Variants in LRRC72 observed in about 807,000 individuals in gnomAD.
LRRC72 encodes the protein leucine rich repeat containing 72, also known as leucine-rich repeat-containing protein 72.
Under a neutral mutation model 35.8 loss-of-function variants are expected in LRRC72, and 41 were observed. The ratio of observed to expected loss-of-function variants is 1.15; its 90% CI spans 0.89 to 1.49. The LOEUF (loss-of-function observed/expected upper bound fraction) is 1.49, where lower values mean the gene tolerates loss of function less well. LRRC72 is among the 40% of genes most tolerant of loss of function. The pLI, the probability that LRRC72 is intolerant of heterozygous loss-of-function variation, is 0.00. For synonymous variants in LRRC72, 118 were observed against 119.2 expected, an observed-to-expected ratio of 0.99 and a Z score of 0.07; for missense variants, 389 against 330.7, an observed-to-expected ratio of 1.18 and a Z score of -1.37.
Position 16,548,828 on chromosome 7 carries a change from C to T in LRRC72, c.235-8532C>T, listed in dbSNP as rs1782496939. Among the ~76,000 whole-genome samples, 2 of 152,238 alleles carry T rather than the reference C, an allele frequency of 1.3e-5. 1 individual carries two copies. Among genetic ancestry groups the T allele is most frequent in the South Asian group, 4.1e-4 (2 of 4,834 alleles). ...GAGGTTTCCAGCTGGTGAAGCAATA[C>T]CCCAAAGATCCCGCAACACGATCTC... On this transcript the variant is annotated intron_variant, in intron 3 of 8. Transcript: ENST00000401542.
chr7:16,528,052 C>T (rs17169532), intron 1 of LRRC72, among the ~76,000 whole-genome samples: 1,994 of 152,274 alleles, frequency 0.013, 38 homozygotes, highest in African/African-American at 0.045. Context: ...TCACCCTCTT[C>T]AAGCTACTGA....
At chr7:16,575,827 C>T (rs577865650) in intron 7 of LRRC72, among the ~76,000 whole-genome samples, 1 of 152,254 alleles carries the variant, frequency 6.6e-6, no homozygotes, top group African/African-American at 2.4e-5. Flanking sequence ...AGCGAATGCA[C>T]ACAATAACAA....
At chr7:16,529,720 T>G (rs1782131039) in intron 1 of LRRC72, among the ~76,000 whole-genome samples, 1 of 152,218 alleles carries the variant, frequency 6.6e-6, no homozygotes, top group East Asian at 1.9e-4. Flanking sequence ...CTTGTGTAAA[T>G]AAATAATTAT....
At chr7:16,533,943 T>A (rs1782210241) in intron 2 of LRRC72, among the ~76,000 whole-genome samples, 1 of 152,194 alleles carries the variant, frequency 6.6e-6, no homozygotes, top group African/African-American at 2.4e-5. Flanking sequence ...TATTGATCAC[T>A]ACAGTAAGTA....
At chr7:16,532,782 T>C in intron 2 of LRRC72, 1 of 616,326 alleles carries the variant, frequency 1.6e-6, no homozygotes, top group African/African-American at 1.8e-5. Flanking sequence ...GACAGGCTGT[T>C]TGAATCCCAG....
At chr7:16,575,381 A>C (rs992430910) in intron 7 of LRRC72, among the ~76,000 whole-genome samples, 1 of 152,150 alleles carries the variant, frequency 6.6e-6, no homozygotes, top group African/African-American at 2.4e-5. Context: ...AACTAGAAAC[A>C]AGTGTGGGAC....
At chr7:16,537,605 C>T (rs1171296114) in intron 2 of LRRC72, 22 bp from the exon 3 acceptor site, 1 of 1,445,514 alleles carries the variant, frequency 6.9e-7, no homozygotes. Context: ...TGCTAATGTT[C>T]ACATTTTTTT....
chr7:16,544,300 T>C (rs1782407704), intron 3 of LRRC72, among the ~76,000 whole-genome samples: 1 of 152,190 alleles, frequency 6.6e-6, no homozygotes, highest in Admixed American at 6.5e-5. Flanking sequence ...CACAAGTTTA[T>C]TTCTAAGGAC....
intron 3 of LRRC72, among the ~76,000 whole-genome samples, chr7:16,541,379 A>C (rs1310376734): frequency 1.3e-5 from 2 of 152,242 alleles, no homozygotes; most frequent in Non-Finnish European, 1.5e-5. Context: ...TGAATCTGTA[A>C]ACAGCCATGT....
At chr7:16,543,692 G>A (rs1782398171) in intron 3 of LRRC72, among the ~76,000 whole-genome samples, 1 of 152,186 alleles carries the variant, frequency 6.6e-6, no homozygotes, top group African/African-American at 2.4e-5. Context: ...AGACACATAA[G>A]GGCACATTTG....
intron 1 of LRRC72, 89 bp downstream of exon 1, chr7:16,527,131 C>T (rs1182891593): frequency 1.9e-6 from 2 of 1,032,028 alleles, no homozygotes; most frequent in African/African-American, 1.6e-5. Context: ...CAGGCAGGTA[C>T]TGAATTTGGA....
At chr7:16,563,512 G>C (rs1269773626) in intron 5 of LRRC72, among the ~76,000 whole-genome samples, 2 of 152,330 alleles carry the variant, frequency 1.3e-5, no homozygotes, top group African/African-American at 4.8e-5. Context: ...TATTGAAAGT[G>C]AAAGTGTAAG....
chr7:16,542,456 G>A (rs1401231595), intron 3 of LRRC72, among the ~76,000 whole-genome samples: 6 of 152,186 alleles, frequency 3.9e-5, no homozygotes, highest in South Asian at 2.1e-4. Flanking sequence ...ACATGTGCCC[G>A]TGACAAAGCC....
At chr7:16,579,516 T>C (rs1368860894) in intron 7 of LRRC72, among the ~76,000 whole-genome samples, 1 of 152,032 alleles carries the variant, frequency 6.6e-6, no homozygotes, top group Non-Finnish European at 1.5e-5. Flanking sequence ...TGACAGTCTC[T>C]GGAAGACACC....
At chr7:16,554,764 A>C (rs1361878340) in intron 3 of LRRC72, among the ~76,000 whole-genome samples, 1 of 152,158 alleles carries the variant, frequency 6.6e-6, no homozygotes, top group South Asian at 2.1e-4. Flanking sequence ...TCATGGTCCA[A>C]GGATGTTAAT....
chr7:16,580,536 C>T (rs946827786), intron 8 of LRRC72, among the ~76,000 whole-genome samples: 8 of 152,028 alleles, frequency 5.3e-5, no homozygotes, highest in African/African-American at 1.7e-4. Context: ...CCCAGCTACT[C>T]AGGAGACTGA....
At position 16,563,704 on chromosome 7, in the gene LRRC72, A is replaced by G. The variant is rs186922168; in HGVS notation, c.428-2609A>G. ...GTTTAATAGTATAGAAGGAAAAAATAGAGTTAAAAATATGATTGCTTCTTC... is the reference window on the plus strand; with the variant it reads ...GTTTAATAGTATAGAAGGAAAAAATGGAGTTAAAAATATGATTGCTTCTTC... On this transcript the variant is annotated intron_variant, in intron 5 of 8. Transcript: ENST00000401542. Among the ~76,000 whole-genome samples the G allele has an allele frequency of 1.6e-4, 25 of 152,212 alleles. No homozygotes were observed. The East Asian group carries it at 4.4e-3, about 27-fold the overall frequency.
At position 16,567,551 on chromosome 7, in the gene LRRC72, G is replaced by A. The variant is rs767601126; in HGVS notation, c.670+8G>A. The A allele has an allele frequency of 5.3e-5, 33 of 625,962 alleles. No individual in the cohort carries two copies. The Admixed American group carries it at 8.0e-4, about 15-fold the overall frequency. The allele number at this position is 625,962 out of a possible 1,614,324, so 38.8% of individuals were successfully genotyped here. On this transcript the variant is annotated splice_region_variant and intron_variant, in intron 7 of 8. Coordinates refer to ENST00000401542, the MANE Select transcript of LRRC72 (RefSeq NM_001195280.2). ...CCCAGAGAGTACCTTCAGGTATTTC[G>A]TAAAAAAAAAAAAAAAAACAAATTT...
chr7:16,575,181 A>G (rs1783018066), intron 7 of LRRC72, among the ~76,000 whole-genome samples: 1 of 152,158 alleles, frequency 6.6e-6, no homozygotes, highest in African/African-American at 2.4e-5. Flanking sequence ...CACCTTGGGC[A>G]CATGTTCTCA....
Sources: allele counts gnomAD v4.1 joint callset (sites outside exome capture counted in the v4.1 genomes callset), GRCh38; gene constraint gnomAD v4.1.1; transcripts MANE v1.5; gene names NCBI Gene and HGNC (gene_info 2026-07-23, HGNC 2026-07-21).